CD44: variants seen among roughly 807,000 people sequenced by gnomAD.
CD44 encodes CD44 antigen.
Under a neutral mutation model 88.8 loss-of-function variants are expected in CD44, and 49 were observed. The ratio of observed to expected loss-of-function variants is 0.55; its 90% CI spans 0.44 to 0.70. CD44 has a LOEUF of 0.70. CD44 is among the 30% of genes least tolerant of loss of function. The pLI is 0.00. For missense variants in CD44, 883 were observed against 913.8 expected (o/e 0.97, Z 0.43); for synonymous variants, 325 against 312.3 (o/e 1.04, Z -0.43).
intron 6 of CD44, chr11:35,197,733 A>G (rs1946898311): frequency 6.3e-6 from 1 of 159,030 alleles, no homozygotes; most frequent in Non-Finnish European, 1.4e-5. Flanking sequence ...AAAAAAAAAA[A>G]AAAAGGCACG....
chr11:35,169,465 T>A (rs1180741712), intron 1 of CD44, among the ~76,000 whole-genome samples: 1 of 151,748 alleles, frequency 6.6e-6, no homozygotes, highest in African/African-American at 2.4e-5. Context: ...ATCTTGCATA[T>A]AATCTCACAG....
intron 3 of CD44, among the ~76,000 whole-genome samples, chr11:35,185,935 G>A (rs1348002336): frequency 6.6e-6 from 1 of 152,200 alleles, no homozygotes; most frequent in Non-Finnish European, 1.5e-5. Flanking sequence ...GCTTGAGACA[G>A]TGCTGCTCAG....
At chr11:35,178,387 T>C (rs1171169253) in intron 2 of CD44, among the ~76,000 whole-genome samples, 1 of 152,162 alleles carries the variant, frequency 6.6e-6, no homozygotes, top group African/African-American at 2.4e-5. Context: ...TATTGGTCAA[T>C]ATTATCACCT....
chr11:35,210,887 T>C (rs1948329465), intron 13 of CD44: 1 of 190,604 alleles, frequency 5.2e-6, no homozygotes, highest in South Asian at 8.9e-5. Context: ...ATATGTTTCC[T>C]CCACTACATC....
At chr11:35,225,927 G>T (rs950208666) in intron 17 of CD44, among the ~76,000 whole-genome samples, 8 of 152,226 alleles carry the variant, frequency 5.3e-5, no homozygotes, top group African/African-American at 7.2e-5. Context: ...AATACTTCTT[G>T]GACTTGGTGT....
intron 15 of CD44, among the ~76,000 whole-genome samples, chr11:35,215,657 G>A (rs1015831020): frequency 6.6e-6 from 1 of 152,072 alleles, no homozygotes; most frequent in African/African-American, 2.4e-5. Flanking sequence ...GCCGAGGCAG[G>A]TGGATCACGA....
At chr11:35,204,820 A>T in intron 10 of CD44, 180 bp downstream of exon 10, 1 of 564,758 alleles carries the variant, frequency 1.8e-6, no homozygotes, top group Non-Finnish European at 3.1e-6. Flanking sequence ...AAGTCACCTG[A>T]ACAGGAATGG....
At chr11:35,190,477 C>T (rs1946160387) in intron 5 of CD44, 1 of 206,624 alleles carries the variant, frequency 4.8e-6, no homozygotes, top group African/African-American at 2.3e-5. Context: ...AGTTTGCATA[C>T]CACTCCACTA....
In CD44 at chr11:35,230,271, CAG is replaced by C. The variant is rs1949997751; in HGVS notation, c.*941_*942del. 1 of 150,684 alleles carries C rather than the reference CAG, an allele frequency of 6.6e-6. No individual in the cohort carries two copies. Among genetic ancestry groups the C allele is most frequent in the South Asian group, 2.1e-4 (1 of 4,774 alleles). The allele number at this position is 150,684 out of a possible 1,614,324, so 9.3% of individuals were successfully genotyped here. A position where few individuals can be genotyped will look rare whatever the true frequency, so the allele number is the denominator to read the frequency against. ...AAGGTTTTCCATCCTGTCCTGGAAT[CAG>C]AGTTGGAAGCTGAGGAGCTTCAGCC... is the stretch of plus-strand genomic sequence containing the variant. On this transcript the variant is annotated 3_prime_UTR_variant, in exon 18 of 18. Coordinates refer to ENST00000428726, the MANE Select transcript of CD44 (RefSeq NM_000610.4).
chr11:35,158,372 T>C (rs1395511136), intron 1 of CD44, among the ~76,000 whole-genome samples: 1 of 152,172 alleles, frequency 6.6e-6, no homozygotes, highest in Non-Finnish European at 1.5e-5. Flanking sequence ...ATTGCAGAGA[T>C]AGAGTTGGGT....
rs1293451723 is a variant in CD44, at chr11:35,232,006, A to C, written c.*2673A>C. ...ACCTTTCCAAAAGTTTTATATTGAG[A>C]TTCATAACAACACCAAGAATTGATT... On this transcript the variant is annotated 3_prime_UTR_variant, in exon 18 of 18. Transcript: ENST00000428726. 1 of 152,194 alleles carries C rather than the reference A, an allele frequency of 6.6e-6. No homozygotes were observed. The highest frequency in any genetic ancestry group is 1.5e-5 in the Non-Finnish European group (1 of 68,032). 9.4% of individuals were successfully genotyped at this position (152,194 alleles called of 1,614,324 possible).
intron 12 of CD44, among the ~76,000 whole-genome samples, chr11:35,209,244 C>T (rs1393813239): frequency 6.6e-6 from 1 of 152,146 alleles, no homozygotes; most frequent in Non-Finnish European, 1.5e-5. Context: ...TTGAAACAGT[C>T]CAAGTGATTT....
Position 35,189,930 on chromosome 11 carries a change from G to A in CD44, c.532G>A (p.Val178Met), listed in dbSNP as rs148181116. The A allele has an allele frequency of 1.4e-4, 220 of 1,614,144 alleles. No homozygotes were observed. Among genetic ancestry groups the A allele is most frequent in the African/African-American group, 6.5e-4 (49 of 75,044 alleles). ...CCCCAGCAACCCTACTGATGATGACGTGAGCAGCGGCTCCTCCAGTGAAAG... is the reference window on the plus strand; with the variant it reads ...CCCCAGCAACCCTACTGATGATGACATGAGCAGCGGCTCCTCCAGTGAAAG... ...IYPSNPTDDD[V>M]SSGSSSERSS... Residue 178 changes from valine (V) to methionine (M), a missense_variant, in exon 5 of 18, where the codon GTG becomes ATG. Physicochemically the swap from Val to Met is conservative, Grantham distance 21. Around this residue, in one of 2 missense-constraint regions of CD44, gnomAD observed 252 missense variants for 322.9 expected, o/e 0.78. Transcript: ENST00000428726.
chr11:35,211,395 G>A lies in CD44; in HGVS notation c.1756G>A (p.Val586Ile), dbSNP rs897885992. Residue 586 changes from valine to isoleucine, a missense_variant, in exon 14 of 18, where the codon GTT becomes ATT. Val to Ile is a conservative substitution (Grantham distance 29). This residue lies in a region of CD44 where 631 missense variants were observed against 590.9 expected (regional missense o/e 1.07). Transcript: ENST00000428726. The stretch of plus-strand genomic sequence containing the variant: ...CTCAGCTAAGACTGGGTCCTTTGGA[G>A]TTACTGCAGTTACTGTTGGAGATTC... ...VTSAKTGSFG[V>I]TAVTVGDSNS... 3.1e-6 allele frequency: 5 copies of A among 1,613,898 alleles called. No individual in the cohort carries two copies. Among genetic ancestry groups the A allele is most frequent in the Non-Finnish European group, 4.2e-6 (5 of 1,179,950 alleles).
At chr11:35,200,934 G>A (rs772479113) in intron 7 of CD44, 148 bp from the exon 8 acceptor site, 31 of 674,858 alleles carry the variant, frequency 4.6e-5, no homozygotes, top group African/African-American at 1.4e-4. Context: ...GTCACCCTCC[G>A]CTTTCCCTCC....
intron 9 of CD44, 23 bp downstream of exon 9, chr11:35,201,810 G>A: frequency 6.2e-7 from 1 of 1,612,006 alleles, no homozygotes; most frequent in African/African-American, 1.3e-5. Flanking sequence ...GCGGTCGGCA[G>A]TTCTGGGTTA....
intron 9 of CD44, among the ~76,000 whole-genome samples, chr11:35,202,413 T>C (rs933848954): frequency 2.0e-5 from 3 of 152,170 alleles, no homozygotes; most frequent in Non-Finnish European, 4.4e-5. Flanking sequence ...CAATCTCAAG[T>C]TGCGGCAGTG....
At chr11:35,178,209 T>G (rs1281122484) in intron 2 of CD44, among the ~76,000 whole-genome samples, 2 of 152,202 alleles carry the variant, frequency 1.3e-5, no homozygotes, top group African/African-American at 4.8e-5. Context: ...AAGCTGAACT[T>G]TGATTGTGAA....
intron 13 of CD44, 137 bp downstream of exon 13, chr11:35,210,191 G>C (rs1948263269): frequency 1.9e-6 from 1 of 533,406 alleles, no homozygotes; most frequent in East Asian, 3.3e-5. Context: ...GGTGCGTCTG[G>C]TGGTGGTTCT....
Sources: gnomAD v4.1 joint callset for allele counts (sites outside exome capture counted in the v4.1 genomes callset) on GRCh38, gnomAD v4.1.1 for gene constraint, gnomAD v4.1.1 regional missense constraint, MANE v1.5 for transcripts, NCBI Gene and HGNC (gene_info 2026-07-23, HGNC 2026-07-21) for gene names.